Variants in TMEM132D observed in about 807,000 individuals in gnomAD.
TMEM132D encodes mature OL transmembrane protein.
A neutral mutation model predicts 62.3 loss-of-function variants in TMEM132D; 21 were observed. The observed-to-expected ratio is 0.34, with a 90% CI of 0.24 to 0.49. TMEM132D has a LOEUF of 0.49. Among genes scored for constraint, TMEM132D ranks in the 20% least tolerant of loss-of-function variants. TMEM132D has a pLI of 0.99. For missense variants in TMEM132D, 1,346 were observed against 1,402.8 expected (o/e 0.96, Z 0.65); for synonymous variants, 621 against 575.6 (o/e 1.08, Z -1.13).
At chr12:129,795,401 C>T (rs1871533564) in intron 1 of TMEM132D, among the ~76,000 whole-genome samples, 1 of 152,176 alleles carries the variant, frequency 6.6e-6, no homozygotes, top group Admixed American at 6.5e-5. Flanking sequence ...CCGCTGGATC[C>T]CCTAAAGTCA....
chr12:129,835,310 A>C (rs1056348187), intron 1 of TMEM132D, among the ~76,000 whole-genome samples: 6 of 151,984 alleles, frequency 3.9e-5, no homozygotes, highest in African/African-American at 2.4e-5. Flanking sequence ...TTTTGTTTTG[A>C]GATAGGATCT....
At chr12:129,490,942 C>T (rs1874773991) in intron 3 of TMEM132D, among the ~76,000 whole-genome samples, 1 of 152,212 alleles carries the variant, frequency 6.6e-6, no homozygotes, top group Non-Finnish European at 1.5e-5. Flanking sequence ...TACTCTGATC[C>T]GGCACGTTGC....
At chr12:129,215,053 T>G (rs1879164098) in intron 4 of TMEM132D, among the ~76,000 whole-genome samples, 1 of 152,158 alleles carries the variant, frequency 6.6e-6, no homozygotes, top group Admixed American at 6.6e-5. Flanking sequence ...AGACATGAAA[T>G]CTACCTAGAT....
intron 2 of TMEM132D, among the ~76,000 whole-genome samples, chr12:129,649,868 GTGTGTGCA>G (rs756767181): frequency 1.3e-5 from 2 of 151,324 alleles, no homozygotes; most frequent in African/African-American, 2.4e-5. Flanking sequence ...GTGTATGTAT[GTGTGTGCA>G]TGTGTGTATA....
chr12:129,801,350 G>GACA (rs1565990667), intron 1 of TMEM132D, among the ~76,000 whole-genome samples: 6 of 23,602 alleles, frequency 2.5e-4, no homozygotes, highest in African/African-American at 3.8e-4. Context: ...GATCTGAGAT[G>GACA]GGCAGACTGC....
At chr12:129,237,936 A>G (rs1249507957) in intron 4 of TMEM132D, among the ~76,000 whole-genome samples, 1 of 152,204 alleles carries the variant, frequency 6.6e-6, no homozygotes, top group Admixed American at 6.5e-5. Flanking sequence ...ATGTGGTTCA[A>G]CGGAGTATTC....
intron 1 of TMEM132D, among the ~76,000 whole-genome samples, chr12:129,841,841 A>G (rs1004301295): frequency 2.6e-5 from 4 of 151,780 alleles, no homozygotes; most frequent in African/African-American, 9.7e-5. Context: ...TAAAATTAAT[A>G]TATAAGAAAA....
chr12:129,093,956 G>C (rs1016062880), intron 5 of TMEM132D, among the ~76,000 whole-genome samples: 7 of 151,896 alleles, frequency 4.6e-5, no homozygotes, highest in African/African-American at 1.7e-4. Context: ...AATAAATGGT[G>C]CTGGGAAAAC....
chr12:129,766,028 C>T (rs1020563), intron 1 of TMEM132D, among the ~76,000 whole-genome samples: 144,041 of 152,158 alleles, frequency 0.95, 68,458 homozygotes, highest in Non-Finnish European at 1. Flanking sequence ...GACAATGAGG[C>T]GGAGGCAGAA....
chr12:129,628,308 G>T (rs1242105216), intron 2 of TMEM132D, among the ~76,000 whole-genome samples: 2 of 152,176 alleles, frequency 1.3e-5, no homozygotes, highest in Admixed American at 6.5e-5. Context: ...TCAGCCATAG[G>T]TTGTGTGCTG....
At chr12:129,346,676 C>A (rs1033907181) in intron 3 of TMEM132D, among the ~76,000 whole-genome samples, 3 of 152,156 alleles carry the variant, frequency 2.0e-5, no homozygotes, top group Admixed American at 2.0e-4. Flanking sequence ...TCTCACCACT[C>A]CTATTCAACA....
Position 129,903,191 on chromosome 12 carries a change from TCCACACACTC to T in TMEM132D, c.79+60_79+69del. The stretch of plus-strand genomic sequence containing the variant: ...CCCTCTCTCCCGGCCGCCCCCATCC[TCCACACACTC>T]CCACACACTCACTCCAGGCGAAGTT... On this transcript the variant is annotated intron_variant, in intron 1 of 8. Coordinates refer to ENST00000422113, the MANE Select transcript of TMEM132D (RefSeq NM_133448.3). This position sits in a 1 kb window ranked among gnomAD's most constrained non-coding sequence, Gnocchi z 6.2. 7 of 1,502,792 alleles carry T rather than the reference TCCACACACTC, an allele frequency of 4.7e-6. No homozygotes were observed. Among genetic ancestry groups the T allele is most frequent in the Non-Finnish European group, 5.4e-6 (6 of 1,104,402 alleles). The allele number at this position is 1,502,792 out of a possible 1,614,324, so 93.1% of individuals were successfully genotyped here.
chr12:129,323,325 C>T (rs954171791), intron 4 of TMEM132D, among the ~76,000 whole-genome samples: 3 of 152,116 alleles, frequency 2.0e-5, no homozygotes, highest in Non-Finnish European at 4.4e-5. Flanking sequence ...TGCACACCAT[C>T]GTTTCATTAG....
chr12:129,823,810 C>G (rs538183514), intron 1 of TMEM132D, among the ~76,000 whole-genome samples: 3 of 152,318 alleles, frequency 2.0e-5, no homozygotes, highest in East Asian at 3.9e-4. Context: ...CAATACCTAT[C>G]TTATAGGGCT....
intron 5 of TMEM132D, among the ~76,000 whole-genome samples, chr12:129,193,543 C>T (rs1565993528): frequency 6.6e-6 from 1 of 152,166 alleles, no homozygotes; most frequent in African/African-American, 2.4e-5. Context: ...GCAAATAACA[C>T]ATCCAAAATC....
intron 2 of TMEM132D, among the ~76,000 whole-genome samples, chr12:129,655,040 C>T (rs780194542): frequency 2.0e-5 from 3 of 151,914 alleles, no homozygotes; most frequent in Non-Finnish European, 2.9e-5. Context: ...CTCTGCCTCC[C>T]GGGTTCAAGT....
At position 129,316,960 on chromosome 12, in the gene TMEM132D, T is replaced by C. The variant is rs576209728; in HGVS notation, c.1299+20674A>G. 2.0e-5 allele frequency among the ~76,000 whole-genome samples: 3 copies of C among 152,330 alleles called. No homozygotes were observed. In the South Asian group the frequency reaches 6.2e-4, roughly 32 times the overall value. On this transcript the variant is annotated intron_variant, in intron 4 of 8. Transcript: ENST00000422113. ...AAGTTTGTTTTGTCTGTTATAAGAGTAGCTACTCTTGCTCGCTTTTGGTGT... is the reference window on the plus strand; with the variant it reads ...AAGTTTGTTTTGTCTGTTATAAGAGCAGCTACTCTTGCTCGCTTTTGGTGT...
intron 4 of TMEM132D, among the ~76,000 whole-genome samples, chr12:129,218,236 G>T (rs1202421639): frequency 1.3e-5 from 2 of 152,166 alleles, no homozygotes; most frequent in East Asian, 1.9e-4. Context: ...TTTTAAAAAT[G>T]TTAGGTAGTG....
At chr12:129,659,907 A>C (rs1353953508) in intron 2 of TMEM132D, among the ~76,000 whole-genome samples, 1 of 152,200 alleles carries the variant, frequency 6.6e-6, no homozygotes, top group Non-Finnish European at 1.5e-5. Context: ...ATATAAGTGC[A>C]CCTGAGAGTT....
Sources: gnomAD v4.1 joint callset for allele counts (sites outside exome capture counted in the v4.1 genomes callset) on GRCh38, gnomAD v4.1.1 for gene constraint, Gnocchi (gnomAD v3.1) non-coding constraint, MANE v1.5 for transcripts, NCBI Gene and HGNC (gene_info 2026-07-23, HGNC 2026-07-21) for gene names.